L3MBTL4: variants seen among roughly 807,000 people sequenced by gnomAD.
L3MBTL4 encodes L3MBTL histone methyl-lysine binding protein 4.
L3MBTL4 carries 70 observed loss-of-function variants against 84.5 expected under a neutral mutation model. The ratio of observed to expected loss-of-function variants is 0.83; its 90% CI spans 0.68 to 1.01. The LOEUF (loss-of-function observed/expected upper bound fraction) is 1.01, where lower values mean the gene tolerates loss of function less well. Among genes scored for constraint, L3MBTL4 ranks in the 50% least tolerant of loss-of-function variants. The pLI is 0.00. For synonymous variants in L3MBTL4, 274 were observed against 259.8 expected (o/e 1.05, Z -0.52); for missense variants, 715 against 754.8 (o/e 0.95, Z 0.62).
intron 1 of L3MBTL4, among the ~76,000 whole-genome samples, chr18:6,357,793 T>C (rs1423523258): frequency 1.3e-5 from 2 of 152,230 alleles, no homozygotes; most frequent in Non-Finnish European, 2.9e-5. Context: ...GTGGATTATG[T>C]AAAAAGCATA....
chr18:6,299,287 T>C (rs2050232339), intron 4 of L3MBTL4, among the ~76,000 whole-genome samples: 1 of 152,136 alleles, frequency 6.6e-6, no homozygotes, highest in South Asian at 2.1e-4. Context: ...CACAGAGGGG[T>C]GTAGCAGACA....
At position 6,241,393 on chromosome 18, in the gene L3MBTL4, T is replaced by A. The variant is rs1295011907; in HGVS notation, c.517A>T (p.Asn173Tyr). 1.2e-6 allele frequency: 2 copies of A among 1,605,236 alleles called. No homozygotes were observed. Among genetic ancestry groups the A allele is most frequent in the Non-Finnish European group, 1.7e-6 (2 of 1,174,944 alleles). Residue 173 changes from asparagine to tyrosine, a missense_variant, in exon 8 of 19, where the codon AAT becomes TAT. Coordinates refer to ENST00000317931, the MANE Select transcript of L3MBTL4 (RefSeq NM_001330559.2). ...TTTCTGAATAATTTCTTTGGAGCAT[T>A]TTGCAATTTGCAGGCCTTCAAGTAA... Reference protein sequence around the residue: ...MDYLKACKLQNAPKKLFRNRS... With the variant: ...MDYLKACKLQYAPKKLFRNRS...
intron 10 of L3MBTL4, among the ~76,000 whole-genome samples, chr18:6,231,625 C>A (rs1221181704): frequency 6.6e-6 from 1 of 152,100 alleles, no homozygotes; most frequent in East Asian, 1.9e-4. Flanking sequence ...TCTTTTACTT[C>A]TTGGTTAATT....
chr18:6,138,012 T>A (rs1274850386), intron 14 of L3MBTL4, among the ~76,000 whole-genome samples, 182 bp downstream of exon 14: 1 of 152,014 alleles, frequency 6.6e-6, no homozygotes, highest in Non-Finnish European at 1.5e-5. Context: ...TCCAAGAAGG[T>A]TCTAGAAGGG....
chr18:6,207,618 A>G (rs576356348), intron 12 of L3MBTL4, among the ~76,000 whole-genome samples: 38 of 152,104 alleles, frequency 2.5e-4, no homozygotes, highest in Non-Finnish European at 4.1e-4. Context: ...TTATAGTTTT[A>G]CCTACTCAAA....
intron 12 of L3MBTL4, among the ~76,000 whole-genome samples, chr18:6,209,679 A>G (rs779799374): frequency 3.3e-5 from 5 of 152,360 alleles, no homozygotes; most frequent in Middle Eastern, 3.4e-3. Flanking sequence ...ATACGTCCAC[A>G]CAAAAACATA....
intron 1 of L3MBTL4, among the ~76,000 whole-genome samples, chr18:6,393,991 C>T (rs904450491): frequency 6.6e-6 from 1 of 152,190 alleles, no homozygotes. Flanking sequence ...CAAGCCCACA[C>T]CCGCTGGCCT....
At chr18:6,040,529 G>A (rs4798431) in intron 16 of L3MBTL4, among the ~76,000 whole-genome samples, 25,694 of 152,114 alleles carry the variant, frequency 0.17, 2,402 homozygotes, top group East Asian at 0.31. Context: ...CAATTACTGA[G>A]TACCTGCCGT....
chr18:6,257,645 CTTTTTTTTTT>C (rs770563046), intron 5 of L3MBTL4, among the ~76,000 whole-genome samples: 4 of 127,492 alleles, frequency 3.1e-5, no homozygotes, highest in Non-Finnish European at 3.3e-5. Flanking sequence ...TTTTCTTTTT[CTTTTTTTTTT>C]TTTTTTTTTA....
intron 1 of L3MBTL4, chr18:6,367,828 T>C (rs2144128666): frequency 6.6e-6 from 1 of 152,356 alleles, no homozygotes; most frequent in Non-Finnish European, 1.5e-5. Flanking sequence ...CCATGAGCTT[T>C]ACTTACAAGA....
In L3MBTL4 at chr18:5,958,130, A is replaced by C. The variant is rs76820029; in HGVS notation, c.1678-1743T>G. On this transcript the variant is annotated intron_variant, in intron 18 of 18. Transcript: ENST00000317931. ...AGAAGAAGAAGAAGAAGAAGAAGAA[A>C]AAGAAGAAGAAGAAGAAGAAGAAGA... 4.9e-3 allele frequency among the ~76,000 whole-genome samples: 156 copies of C among 31,788 alleles called. 4 individuals are homozygous for C. The highest frequency in any genetic ancestry group is 0.014 in the African/African-American group (141 of 10,296). 20.9% of individuals were successfully genotyped at this position (31,788 alleles called of 152,430 possible). A position where few individuals can be genotyped will look rare whatever the true frequency, so the allele number is the denominator to read the frequency against.
intron 1 of L3MBTL4, among the ~76,000 whole-genome samples, chr18:6,347,897 A>G (rs545473738): frequency 6.6e-6 from 1 of 152,158 alleles, no homozygotes; most frequent in East Asian, 1.9e-4. Flanking sequence ...TCCAGACAAC[A>G]GGATCTGAAC....
intron 14 of L3MBTL4, among the ~76,000 whole-genome samples, chr18:6,123,471 T>C (rs1041780585): frequency 1.3e-5 from 2 of 152,156 alleles, no homozygotes; most frequent in Non-Finnish European, 2.9e-5. Context: ...TGAGATCTGA[T>C]GGTTTTATAC....
intron 13 of L3MBTL4, among the ~76,000 whole-genome samples, chr18:6,164,493 A>C (rs2043539307): frequency 6.6e-6 from 1 of 152,222 alleles, no homozygotes; most frequent in South Asian, 2.1e-4. Context: ...TTCCAGAGGA[A>C]CGATCAGGCA....
chr18:6,307,833 T>C (rs1409803241), intron 3 of L3MBTL4, among the ~76,000 whole-genome samples: 3 of 152,228 alleles, frequency 2.0e-5, no homozygotes, highest in Non-Finnish European at 4.4e-5. Flanking sequence ...TTTTTCAGTA[T>C]CAAATATTTT....
At chr18:6,368,481 T>G (rs1216611099) in intron 1 of L3MBTL4, among the ~76,000 whole-genome samples, 2 of 152,200 alleles carry the variant, frequency 1.3e-5, no homozygotes, top group Non-Finnish European at 1.5e-5. Flanking sequence ...GTGTGCTTAC[T>G]GTCTGCCAAG....
chr18:6,330,696 G>C (rs2051987689), intron 1 of L3MBTL4, among the ~76,000 whole-genome samples: 1 of 152,196 alleles, frequency 6.6e-6, no homozygotes, highest in East Asian at 1.9e-4. Flanking sequence ...TGAGGGTCAA[G>C]ATTCTACCTC....
chr18:6,275,302 T>G (rs2049035156), intron 4 of L3MBTL4, among the ~76,000 whole-genome samples: 1 of 152,124 alleles, frequency 6.6e-6, no homozygotes, highest in Non-Finnish European at 1.5e-5. Flanking sequence ...TGGAAATGCT[T>G]TCAAGTAGAG....
At chr18:6,273,862 C>T (rs577418763) in intron 4 of L3MBTL4, among the ~76,000 whole-genome samples, 2 of 152,192 alleles carry the variant, frequency 1.3e-5, no homozygotes, top group Admixed American at 1.3e-4. Flanking sequence ...AAGGGAACTT[C>T]GGAGTGAAGA....
Sources: allele counts gnomAD v4.1 joint callset (sites outside exome capture counted in the v4.1 genomes callset), GRCh38; gene constraint gnomAD v4.1.1; transcripts MANE v1.5; gene names NCBI Gene and HGNC (gene_info 2026-07-23, HGNC 2026-07-21).